NCOA2: variants seen among roughly 807,000 people sequenced by gnomAD.
The protein encoded by NCOA2 is nuclear receptor coactivator 2, also known as class E basic helix-loop-helix protein 75.
A neutral mutation model predicts 145.1 loss-of-function variants in NCOA2; 21 were observed. The ratio of observed to expected loss-of-function variants is 0.14; its 90% CI spans 0.10 to 0.21. The LOEUF (loss-of-function observed/expected upper bound fraction) is 0.21. Ranked by LOEUF, NCOA2 falls within the 10% of genes least tolerant of loss-of-function variation. The probability of loss-of-function intolerance (pLI) is 1.00; values close to 1 mark genes in which losing one functional copy is unlikely to be tolerated. For synonymous variants in NCOA2, 619 were observed against 637.5 expected (o/e 0.97, Z 0.44); for missense variants, 1,472 against 1,837.6 (o/e 0.80, Z 3.64).
chr8:70,123,862 T>C (rs374620940), intron 21 of NCOA2, 22 bp downstream of exon 21: 24 of 1,578,010 alleles, frequency 1.5e-5, no homozygotes, highest in African/African-American at 4.0e-5. Flanking sequence ...AGCCACTGGG[T>C]TGCTTCTCCT....
At chr8:70,372,661 T>C (rs1563817226) in intron 1 of NCOA2, among the ~76,000 whole-genome samples, 1 of 152,216 alleles carries the variant, frequency 6.6e-6, no homozygotes, top group Non-Finnish European at 1.5e-5. Flanking sequence ...TACTGATGTG[T>C]ATAAATGTGT....
At chr8:70,378,936 C>T (rs1255621390) in intron 1 of NCOA2, among the ~76,000 whole-genome samples, 2 of 151,980 alleles carry the variant, frequency 1.3e-5, no homozygotes, top group African/African-American at 2.4e-5. Flanking sequence ...TGATGATTTC[C>T]ACATAGCTCC....
At chr8:70,274,258 G>C (rs73684264) in intron 2 of NCOA2, among the ~76,000 whole-genome samples, 20,955 of 148,280 alleles carry the variant, frequency 0.14, 2,570 homozygotes, top group African/African-American at 0.34. Flanking sequence ...AAAGCAACAA[G>C]AAAAACTTGT....
chr8:70,287,676 T>C (rs571794091), intron 2 of NCOA2, among the ~76,000 whole-genome samples: 12 of 152,348 alleles, frequency 7.9e-5, no homozygotes, highest in African/African-American at 2.9e-4. Flanking sequence ...CAGCATAATA[T>C]CATTTCTGTA....
chr8:70,171,540 T>G (rs1195510459), intron 5 of NCOA2, among the ~76,000 whole-genome samples: 1 of 152,242 alleles, frequency 6.6e-6, no homozygotes, highest in Non-Finnish European at 1.5e-5. Flanking sequence ...TTTTGACCCT[T>G]GCTTATCAAA....
intron 1 of NCOA2, among the ~76,000 whole-genome samples, chr8:70,397,067 C>T (rs977864024): frequency 1.3e-5 from 2 of 152,142 alleles, no homozygotes; most frequent in Non-Finnish European, 2.9e-5. Context: ...ATGAAGCACA[C>T]ATCAAAAAAG....
chr8:70,392,483 C>T (rs554383698), intron 1 of NCOA2, among the ~76,000 whole-genome samples: 121 of 152,324 alleles, frequency 7.9e-4, no homozygotes, highest in African/African-American at 2.8e-3. Flanking sequence ...AACATTTTTA[C>T]AAGTGTTGCC....
intron 2 of NCOA2, among the ~76,000 whole-genome samples, chr8:70,290,670 C>G (rs960940076): frequency 2.0e-5 from 3 of 152,018 alleles, no homozygotes; most frequent in African/African-American, 7.2e-5. Context: ...ATAGAAATAC[C>G]TATATCCTAA....
chr8:70,140,011 G>A (rs946193918), intron 14 of NCOA2, among the ~76,000 whole-genome samples: 2 of 152,110 alleles, frequency 1.3e-5, no homozygotes, highest in African/African-American at 4.8e-5. Flanking sequence ...TTATGCTAAT[G>A]TACAAGAAGA....
At chr8:70,216,856 C>A in intron 2 of NCOA2, 92 bp from the exon 3 acceptor site, 1 of 796,772 alleles carries the variant, frequency 1.3e-6, no homozygotes, top group Non-Finnish European at 2.1e-6. Flanking sequence ...AGAATTTTGA[C>A]TCCAATCAGA....
chr8:70,228,604 T>C (rs1820870716), intron 2 of NCOA2, among the ~76,000 whole-genome samples: 1 of 152,140 alleles, frequency 6.6e-6, no homozygotes, highest in African/African-American at 2.4e-5. Flanking sequence ...ATTTTTTATG[T>C]TGCTCTCTAC....
intron 2 of NCOA2, among the ~76,000 whole-genome samples, chr8:70,291,506 A>G (rs566395133): frequency 6.6e-6 from 1 of 152,308 alleles, no homozygotes; most frequent in East Asian, 1.9e-4. Context: ...ATCCTTGTGC[A>G]TTCTGAAAAA....
chr8:70,370,841 A>G lies in NCOA2; in HGVS notation c.-77+32859T>C, dbSNP rs540898496. Among the ~76,000 whole-genome samples, 9 of 152,328 alleles carry G rather than the reference A, an allele frequency of 5.9e-5. No homozygotes were observed. The East Asian group carries it at 1.7e-3, about 29-fold the overall frequency. On this transcript the variant is annotated intron_variant, in intron 1 of 22. Coordinates refer to ENST00000452400, the MANE Select transcript of NCOA2 (RefSeq NM_006540.4). The stretch of plus-strand genomic sequence containing the variant: ...TGCAGGTTACTAGTCAAACAATTAG[A>G]GAATATTTACCAGGAATAAATGGTG...
intron 1 of NCOA2, among the ~76,000 whole-genome samples, chr8:70,325,121 C>A (rs1353025451): frequency 2.6e-5 from 4 of 152,162 alleles, no homozygotes; most frequent in African/African-American, 9.7e-5. Flanking sequence ...ATGTACCTAA[C>A]CATTTCTTTC....
At position 70,364,241 on chromosome 8, in the gene NCOA2, A is replaced by T. The variant is rs150600447; in HGVS notation, c.-77+39459T>A. On this transcript the variant is annotated intron_variant, in intron 1 of 22. Coordinates refer to ENST00000452400, the MANE Select transcript of NCOA2 (RefSeq NM_006540.4). The stretch of plus-strand genomic sequence containing the variant: ...CTTAAAACTTTTGAGTTTTACATTT[A>T]GGACTGAAAAAAAAAAGGAAATGTC... 3.4e-3 allele frequency among the ~76,000 whole-genome samples: 522 copies of T among 152,222 alleles called. 4 individuals are homozygous for T. The highest frequency in any genetic ancestry group is 0.012 in the African/African-American group (505 of 41,520).
chr8:70,410,755 T>TAA, the NCOA2 span, among the ~76,000 whole-genome samples: 1 of 152,208 alleles, frequency 6.6e-6, no homozygotes, highest in African/African-American at 2.4e-5. Context: ...AAATATGCAA[T>TAA]AACATGAATG....
upstream of NCOA2, among the ~76,000 whole-genome samples, chr8:70,405,822 TC>T (rs1009015483): frequency 2.2e-4 from 33 of 151,984 alleles, no homozygotes; most frequent in African/African-American, 7.7e-4. Flanking sequence ...AACAAATGAC[TC>T]CCCCCATTGC....
intron 2 of NCOA2, among the ~76,000 whole-genome samples, chr8:70,286,405 C>T (rs1163259538): frequency 6.6e-6 from 1 of 152,108 alleles, no homozygotes; most frequent in African/African-American, 2.4e-5. Flanking sequence ...ATATTTCCAT[C>T]TCTGTTTTAA....
chr8:70,196,592 T>G (rs1219482098), intron 4 of NCOA2, among the ~76,000 whole-genome samples: 2 of 152,132 alleles, frequency 1.3e-5, no homozygotes, highest in African/African-American at 4.8e-5. Flanking sequence ...TACATAAGAT[T>G]TAAGGTTTTT....
Sources: allele counts gnomAD v4.1 joint callset (sites outside exome capture counted in the v4.1 genomes callset), GRCh38; gene constraint gnomAD v4.1.1; transcripts MANE v1.5; gene names NCBI Gene and HGNC (gene_info 2026-07-23, HGNC 2026-07-21).